The following RFX6 variants were observed in gnomAD, a reference collection of about 807,000 sequenced individuals.
The protein encoded by RFX6 is DNA-binding protein RFX6.
In RFX6, 50 loss-of-function variants were observed where a neutral mutation model predicts 110.8. The ratio of observed to expected loss-of-function variants is 0.45; its 90% confidence interval spans 0.36 to 0.57. RFX6 has a LOEUF of 0.57. Ranked by LOEUF, RFX6 falls within the 20% of genes least tolerant of loss-of-function variation. RFX6 has a pLI of 0.00. For synonymous variants in RFX6, 383 were observed against 411.2 expected (o/e 0.93, Z 0.83); for missense variants, 990 against 1,127.0 (o/e 0.88, Z 1.74).
At chr6:116,877,722 T>C (rs1774493967) in intron 1 of RFX6, 74 bp from the exon 2 acceptor site, 2 of 1,496,112 alleles carry the variant, frequency 1.3e-6, no homozygotes, top group Non-Finnish European at 1.9e-6. Flanking sequence ...CCTTTGAAGT[T>C]AAGGTACACT....
In RFX6 at chr6:116,878,014, A is replaced by G. The variant is rs1582506022; in HGVS notation, c.380+62A>G. 6 of 1,506,112 alleles carry G rather than the reference A, an allele frequency of 4.0e-6. No individual in the cohort carries two copies. In the South Asian group the frequency reaches 5.7e-5, roughly 14 times the overall value. The allele number at this position is 1,506,112 out of a possible 1,614,324, so 93.3% of individuals were successfully genotyped here. A position where few individuals can be genotyped will look rare whatever the true frequency, so the allele number is the denominator to read the frequency against. On this transcript the variant is annotated intron_variant, in intron 2 of 18. Coordinates refer to ENST00000332958, the MANE Select transcript of RFX6 (RefSeq NM_173560.4). ...TGACGTTTTAACAGCCAGCGTCTTC[A>G]GGATCTTTGATTTTCACAATTTACT...
At chr6:116,881,352 T>A (rs557793813) in intron 3 of RFX6, among the ~76,000 whole-genome samples, 2 of 152,154 alleles carry the variant, frequency 1.3e-5, no homozygotes, top group South Asian at 4.1e-4. Context: ...AGAAAAACTT[T>A]AGGAAGCTTG....
intron 9 of RFX6, among the ~76,000 whole-genome samples, chr6:116,917,287 T>G (rs1341928036): frequency 6.6e-6 from 1 of 151,912 alleles, no homozygotes; most frequent in Non-Finnish European, 1.5e-5. Context: ...TTTTCTGCCT[T>G]TAGTTCAAGT....
At chr6:116,910,547 G>T (rs1775328211) in intron 6 of RFX6, among the ~76,000 whole-genome samples, 1 of 152,134 alleles carries the variant, frequency 6.6e-6, no homozygotes, top group Admixed American at 6.6e-5. Context: ...TTTGTAAAAA[G>T]GAAGGTTGGA....
intron 4 of RFX6, among the ~76,000 whole-genome samples, chr6:116,893,282 G>T (rs1429948948): frequency 7.2e-5 from 11 of 152,160 alleles, no homozygotes; most frequent in African/African-American, 2.4e-5. Flanking sequence ...GTATATGGGT[G>T]TGTAATATGT....
chr6:116,916,180 T>G (rs1239200191), intron 8 of RFX6, 21 bp from the exon 9 acceptor site: 3 of 1,590,902 alleles, frequency 1.9e-6, no homozygotes, highest in Non-Finnish European at 2.6e-6. Context: ...AATCTTAACA[T>G]ACTTTTTACT....
chr6:116,879,373 C>G (rs932494346), intron 2 of RFX6, among the ~76,000 whole-genome samples: 1 of 151,804 alleles, frequency 6.6e-6, no homozygotes, highest in Non-Finnish European at 1.5e-5. Context: ...AACTGAAAAT[C>G]AAAGTGAAAA....
intron 2 of RFX6, among the ~76,000 whole-genome samples, chr6:116,878,174 C>A (rs1022178635): frequency 2.0e-4 from 30 of 152,148 alleles, no homozygotes; most frequent in Non-Finnish European, 3.4e-4. Context: ...AACCACATTA[C>A]GTTGTTCCTT....
chr6:116,910,895 T>A (rs762682825), intron 6 of RFX6, 40 bp from the exon 7 acceptor site: 8 of 1,286,900 alleles, frequency 6.2e-6, no homozygotes, highest in Non-Finnish European at 9.1e-6. Context: ...AAGCATATAG[T>A]TGATAATGAT....
intron 6 of RFX6, among the ~76,000 whole-genome samples, chr6:116,896,595 CT>C (rs1159584988): frequency 2.1e-5 from 1 of 47,752 alleles, no homozygotes; most frequent in Non-Finnish European, 4.2e-5. Context: ...ATCCCAGCTA[CT>C]CAAGGAGGCT....
intron 6 of RFX6, among the ~76,000 whole-genome samples, chr6:116,901,333 A>C (rs1775070123): frequency 6.8e-6 from 1 of 147,018 alleles, no homozygotes; most frequent in Non-Finnish European, 1.5e-5. Flanking sequence ...GCTGCTAGCC[A>C]CATGTGACTA....
chr6:116,902,404 G>A (rs1314770346), intron 6 of RFX6, among the ~76,000 whole-genome samples: 7 of 151,678 alleles, frequency 4.6e-5, no homozygotes, highest in Non-Finnish European at 8.9e-5. Flanking sequence ...TAAAAAACAG[G>A]AAAAAGATGG....
Position 116,882,388 on chromosome 6 carries a change from C to G in RFX6, c.526C>G (p.Leu176Val). ...FGKTIRQKFP[L>V]LTTRRLGTRG... ...TTAGACAATTCGCCAGAAGTTTCCC[C>G]TCCTAACAACAAGGCGGCTTGGAAC... is the stretch of plus-strand genomic sequence containing the variant. Residue 176 changes from leucine to valine, a missense_variant, in exon 4 of 19, where the codon CTC (leucine) becomes GTC (valine). Coordinates refer to ENST00000332958, the MANE Select transcript of RFX6 (RefSeq NM_173560.4). 6.2e-7 allele frequency: 1 copy of G among 1,612,814 alleles called. No homozygotes were observed. The highest frequency in any genetic ancestry group is 8.5e-7 in the Non-Finnish European group (1 of 1,179,006).
At chr6:116,924,057 T>A (rs1185761628) in intron 14 of RFX6, among the ~76,000 whole-genome samples, 1 of 152,182 alleles carries the variant, frequency 6.6e-6, no homozygotes, top group African/African-American at 2.4e-5. Flanking sequence ...TATTTAAAGT[T>A]TTATAAAATA....
intron 12 of RFX6, 57 bp from the exon 13 acceptor site, chr6:116,921,985 A>AAGTAG (rs1775608152): frequency 1.2e-6 from 1 of 809,906 alleles, no homozygotes; most frequent in Admixed American, 2.0e-5. Context: ...CTTGGATTCC[A>AAGTAG]AGTAGAGTAC....
chr6:116,914,562 A>G (rs369912480), intron 7 of RFX6, among the ~76,000 whole-genome samples: 2 of 152,376 alleles, frequency 1.3e-5, no homozygotes, highest in East Asian at 3.9e-4. Flanking sequence ...CCTGAAATAT[A>G]GAGCAATTCT....
At chr6:116,904,565 G>C (rs1562140074) in intron 6 of RFX6, among the ~76,000 whole-genome samples, 1 of 151,928 alleles carries the variant, frequency 6.6e-6, no homozygotes, top group African/African-American at 2.4e-5. Flanking sequence ...ACAGTTTTGT[G>C]GTATTAAGTA....
rs1458046600 is a variant in RFX6, at chr6:116,880,560, A to G, written c.397A>G (p.Ile133Val). ...LTLQWLEENY[I>V]VCEGVCLPRC... ...TTTTCTTAGGCTTGAAGAGAATTAC[A>G]TTGTATGTGAAGGAGTTTGCTTACC... The change falls in exon 3 of 19, where the codon ATT becomes GTT. Residue 133 changes from isoleucine to valine, a missense_variant. This residue lies in a region of RFX6 where 175 missense variants were observed against 162.3 expected (regional missense o/e 1.08). Transcript: ENST00000332958. 2 of 1,612,920 alleles carry G rather than the reference A, an allele frequency of 1.2e-6. No homozygotes were observed. The highest frequency in any genetic ancestry group is 1.7e-6 in the Non-Finnish European group (2 of 1,179,158).
rs73765886 is a variant in RFX6, at chr6:116,927,307, C to T, written c.2166C>T (p.Thr722=). 2.4e-3 allele frequency: 3,886 copies of T among 1,614,184 alleles called. 75 individuals carry two copies. The African/African-American group carries it at 0.044, about 18-fold the overall frequency. Residue 722 remains threonine, a synonymous_variant, in exon 17 of 19, where the codon ACC becomes ACT. Transcript: ENST00000332958. The part of the protein sequence containing the change: ...HSTSGLYPHH[T]EHGRCMAWTE... ...CATCAGGACTCTATCCTCATCACAC[C>T]GAGCATGGTCGATGCATGGCTTGGA...
Sources: gnomAD v4.1 joint callset for allele counts (sites outside exome capture counted in the v4.1 genomes callset) on GRCh38, gnomAD v4.1.1 for gene constraint, gnomAD v4.1.1 regional missense constraint, MANE v1.5 for transcripts, NCBI Gene and HGNC (gene_info 2026-07-23, HGNC 2026-07-21) for gene names.